SOBP: variants seen among roughly 807,000 people sequenced by gnomAD.
SOBP encodes the protein sine oculis-binding protein homolog.
In SOBP, 4 loss-of-function variants were observed where a neutral mutation model predicts 53.6. That is an observed-to-expected ratio of 0.07 (90% CI 0.04 to 0.17). The LOEUF (loss-of-function observed/expected upper bound fraction) is 0.17. SOBP is among the 10% of genes least tolerant of loss of function. SOBP has a pLI of 1.00. For missense variants in SOBP, 1,088 were observed against 1,204.7 expected (o/e 0.90, Z 1.43); for synonymous variants, 584 against 522.6 (o/e 1.12, Z -1.60).
At chr6:107,581,969 G>A (rs796596491) in intron 4 of SOBP, among the ~76,000 whole-genome samples, 8 of 152,280 alleles carry the variant, frequency 5.3e-5, no homozygotes, top group African/African-American at 1.9e-4. Context: ...TGGAAACTCT[G>A]TTGTGCTCTC....
chr6:107,624,172 T>C (rs1202392234), intron 5 of SOBP, among the ~76,000 whole-genome samples: 1 of 152,238 alleles, frequency 6.6e-6, no homozygotes, highest in Non-Finnish European at 1.5e-5. Context: ...GAAAAGCACA[T>C]GCATTCTTGG....
At chr6:107,517,927 G>A (rs1783367970) in intron 3 of SOBP, among the ~76,000 whole-genome samples, 2 of 152,152 alleles carry the variant, frequency 1.3e-5, no homozygotes, top group African/African-American at 2.4e-5. Flanking sequence ...GATACAATAT[G>A]TGTTGTTCCA....
intron 4 of SOBP, among the ~76,000 whole-genome samples, chr6:107,556,227 T>C (rs1583208044): frequency 6.6e-6 from 1 of 152,168 alleles, no homozygotes; most frequent in Non-Finnish European, 1.5e-5. Context: ...TCAAGGGTGG[T>C]GTCTAATGAT....
intron 5 of SOBP, among the ~76,000 whole-genome samples, chr6:107,630,771 TCTCTCTC>T (rs1770682133): frequency 6.6e-6 from 1 of 150,758 alleles, no homozygotes; most frequent in Non-Finnish European, 1.5e-5. Context: ...TCTCTCTCTC[TCTCTCTC>T]TCTCTCACGT....
At chr6:107,504,295 C>G (rs866415597) in intron 2 of SOBP, among the ~76,000 whole-genome samples, 18 of 152,122 alleles carry the variant, frequency 1.2e-4, no homozygotes, top group African/African-American at 3.9e-4. Context: ...TCTTTCCCTG[C>G]CCCCACGCAC....
At chr6:107,618,241 G>T (rs1247275583) in intron 5 of SOBP, among the ~76,000 whole-genome samples, 1 of 152,178 alleles carries the variant, frequency 6.6e-6, no homozygotes, top group Non-Finnish European at 1.5e-5. Flanking sequence ...CTTCTAACTG[G>T]TACAATTCAG....
At chr6:107,495,454 A>G (rs760684307) in intron 1 of SOBP, among the ~76,000 whole-genome samples, 2 of 152,178 alleles carry the variant, frequency 1.3e-5, no homozygotes, top group South Asian at 2.1e-4. Context: ...TTACTTATAC[A>G]ACTCGCAGAT....
chr6:107,574,716 C>A (rs933973240), intron 4 of SOBP, among the ~76,000 whole-genome samples: 21 of 152,224 alleles, frequency 1.4e-4, no homozygotes, highest in African/African-American at 4.8e-4. Context: ...GGTCCCATAC[C>A]CCAAGTCCAG....
chr6:107,558,700 A>T (rs887515216), intron 4 of SOBP, among the ~76,000 whole-genome samples: 1 of 151,102 alleles, frequency 6.6e-6, no homozygotes, highest in Non-Finnish European at 1.5e-5. Context: ...TTATATATGA[A>T]ATATAAAAAA....
intron 6 of SOBP, among the ~76,000 whole-genome samples, chr6:107,655,552 T>G (rs1527876): frequency 6.6e-6 from 1 of 152,016 alleles, no homozygotes; most frequent in Non-Finnish European, 1.5e-5. Flanking sequence ...AAGCTTCGTG[T>G]GAGCAAGCTT....
chr6:107,581,950 G>A (rs1490190126), intron 4 of SOBP, among the ~76,000 whole-genome samples: 1 of 152,118 alleles, frequency 6.6e-6, no homozygotes, highest in East Asian at 1.9e-4. Context: ...AGCATAGGAG[G>A]GCTAAGCTTG....
At position 107,660,269 on chromosome 6, in the gene SOBP, G is replaced by A. The variant is rs920482452; in HGVS notation, c.*2066G>A. 6.6e-6 allele frequency: 1 copy of A among 152,234 alleles called. No homozygotes were observed. Among genetic ancestry groups the A allele is most frequent in the Non-Finnish European group, 1.5e-5 (1 of 68,014 alleles). 9.4% of individuals were successfully genotyped at this position (152,234 alleles called of 1,614,324 possible). A position where few individuals can be genotyped will look rare whatever the true frequency, so the allele number is the denominator to read the frequency against. ...AAACATTTTAAAAAATAGAACTAAG[G>A]AGTTTTAAAAGATGGTAAGCTACTG... On this transcript the variant is annotated 3_prime_UTR_variant, in exon 7 of 7. Coordinates refer to ENST00000317357, the MANE Select transcript of SOBP (RefSeq NM_018013.4).
chr6:107,526,055 C>T (rs1358015928), intron 3 of SOBP, among the ~76,000 whole-genome samples: 1 of 152,096 alleles, frequency 6.6e-6, no homozygotes. Flanking sequence ...TCAAGCGATT[C>T]TCCTGCCTCA....
intron 5 of SOBP, among the ~76,000 whole-genome samples, chr6:107,632,137 A>T (rs1321042136): frequency 6.6e-6 from 1 of 152,182 alleles, no homozygotes; most frequent in Non-Finnish European, 1.5e-5. Flanking sequence ...TAGTTTTTTT[A>T]AAAAACCAAC....
intron 4 of SOBP, among the ~76,000 whole-genome samples, chr6:107,534,935 C>A: frequency 6.6e-6 from 1 of 152,116 alleles, no homozygotes. Flanking sequence ...CCCGGGGCTC[C>A]CGTTTTGAAT....
At chr6:107,644,083 G>C (rs1214502022) in intron 6 of SOBP, among the ~76,000 whole-genome samples, 10 of 152,144 alleles carry the variant, frequency 6.6e-5, no homozygotes, top group Non-Finnish European at 1.5e-4. Context: ...GGGTGGATCA[G>C]ACTTAGGTCA....
chr6:107,627,419 C>G (rs567542429), intron 5 of SOBP, among the ~76,000 whole-genome samples: 66 of 152,348 alleles, frequency 4.3e-4, no homozygotes, highest in African/African-American at 1.5e-3. Flanking sequence ...AAGGAAGGAT[C>G]TGCTCCTGTG....
rs549393324 is a variant in SOBP, at chr6:107,541,579, G to T, written c.573+7969G>T. On this transcript the variant is annotated intron_variant, in intron 4 of 6. Transcript: ENST00000317357. The stretch of plus-strand genomic sequence containing the variant: ...TATTTTGGAGGCTCAATGGGTAATA[G>T]GAATTTTGAGATATTATGACTGCAA... 1.7e-4 allele frequency among the ~76,000 whole-genome samples: 26 copies of T among 152,252 alleles called. No individual in the cohort carries two copies. The South Asian group carries it at 5.4e-3, about 32-fold the overall frequency.
intron 4 of SOBP, among the ~76,000 whole-genome samples, chr6:107,550,112 C>T (rs1042861536): frequency 6.6e-6 from 1 of 152,218 alleles, no homozygotes; most frequent in Non-Finnish European, 1.5e-5. Context: ...TCACTCAGCC[C>T]CCTTGCAGGG....
Sources: gnomAD v4.1 joint callset for allele counts (sites outside exome capture counted in the v4.1 genomes callset) on GRCh38, gnomAD v4.1.1 for gene constraint, MANE v1.5 for transcripts, NCBI Gene and HGNC (gene_info 2026-07-23, HGNC 2026-07-21) for gene names.